PCDH9: variants seen among roughly 807,000 people sequenced by gnomAD.
PCDH9 encodes protocadherin-9.
In PCDH9, 24 loss-of-function variants were observed where a neutral mutation model predicts 70.6. The observed-to-expected ratio is 0.34, with a 90% CI of 0.25 to 0.48. PCDH9 has a LOEUF of 0.48. Ranked by LOEUF, PCDH9 falls within the 20% of genes least tolerant of loss-of-function variation. The pLI, the probability that PCDH9 is intolerant of heterozygous loss-of-function variation, is 0.99. For missense variants in PCDH9, 1,281 were observed against 1,503.6 expected (o/e 0.85, Z 2.45); for synonymous variants, 562 against 558.5 (o/e 1.01, Z -0.09).
intron 3 of PCDH9, among the ~76,000 whole-genome samples, chr13:66,889,867 T>C (rs76021093): frequency 0.025 from 3,816 of 152,130 alleles, 139 homozygotes; most frequent in African/African-American, 0.085. Flanking sequence ...GGCGAAAAAA[T>C]AGGACAATTC....
intron 2 of PCDH9, chr13:67,214,614 AT>A (rs1430765717): frequency 1.3e-5 from 2 of 152,096 alleles, no homozygotes; most frequent in Non-Finnish European, 2.9e-5. Flanking sequence ...AGACGAAGCA[AT>A]TATACAAATG....
At chr13:66,998,477 G>A (rs1439209269) in intron 2 of PCDH9, among the ~76,000 whole-genome samples, 1 of 152,176 alleles carries the variant, frequency 6.6e-6, no homozygotes, top group Non-Finnish European at 1.5e-5. Context: ...ACCTGAGTGT[G>A]TGTGTGTCTG....
At chr13:66,872,047 A>T (rs909043143) in intron 3 of PCDH9, among the ~76,000 whole-genome samples, 5 of 152,126 alleles carry the variant, frequency 3.3e-5, no homozygotes, top group African/African-American at 1.2e-4. Flanking sequence ...GTCTACTACT[A>T]GACTTTGAAC....
chr13:67,190,141 G>T (rs898599174), intron 2 of PCDH9, among the ~76,000 whole-genome samples: 2 of 151,894 alleles, frequency 1.3e-5, no homozygotes, highest in African/African-American at 4.8e-5. Flanking sequence ...CTTAGAAATT[G>T]TACTCTAAAT....
chr13:67,209,168 A>G (rs925619485), intron 2 of PCDH9: 1 of 152,130 alleles, frequency 6.6e-6, no homozygotes, highest in Non-Finnish European at 1.5e-5. Flanking sequence ...CAACTAAGCC[A>G]TTACACAGAA....
At chr13:66,563,098 CAG>C (rs1360825156) in intron 4 of PCDH9, among the ~76,000 whole-genome samples, 1 of 152,088 alleles carries the variant, frequency 6.6e-6, no homozygotes, top group Non-Finnish European at 1.5e-5. Flanking sequence ...CCTGAGGAAT[CAG>C]AGATTGCCAT....
intron 2 of PCDH9, among the ~76,000 whole-genome samples, chr13:66,968,395 T>C (rs1407753464): frequency 6.6e-6 from 1 of 152,014 alleles, no homozygotes; most frequent in Non-Finnish European, 1.5e-5. Flanking sequence ...TTCCATTAGC[T>C]TTTCTTGGCA....
intron 3 of PCDH9, among the ~76,000 whole-genome samples, chr13:66,713,811 G>C (rs2078832291): frequency 6.6e-6 from 1 of 151,640 alleles, no homozygotes; most frequent in Non-Finnish European, 1.5e-5. Context: ...AGACAATGAA[G>C]ATAAACATCT....
intron 2 of PCDH9, among the ~76,000 whole-genome samples, chr13:67,195,830 G>A (rs1306267258): frequency 6.6e-6 from 1 of 152,060 alleles, no homozygotes; most frequent in Non-Finnish European, 1.5e-5. Context: ...ATGTATATGG[G>A]AACAGATATT....
intron 4 of PCDH9, among the ~76,000 whole-genome samples, chr13:66,576,146 G>T (rs1048173525): frequency 2.0e-5 from 3 of 150,642 alleles, no homozygotes; most frequent in Non-Finnish European, 4.4e-5. Context: ...TCAACATGAG[G>T]TTAGAAGCTA....
chr13:66,618,429 A>G (rs916928879), intron 4 of PCDH9, among the ~76,000 whole-genome samples: 2 of 152,180 alleles, frequency 1.3e-5, no homozygotes, highest in Non-Finnish European at 2.9e-5. Context: ...AGTTTAGACA[A>G]ATTACTATGG....
chr13:66,396,200 T>A (rs1320438918), intron 4 of PCDH9, among the ~76,000 whole-genome samples: 1 of 152,180 alleles, frequency 6.6e-6, no homozygotes, highest in Admixed American at 6.5e-5. Context: ...CCAGTGCTTC[T>A]TGCCTCTCAA....
chr13:66,439,479 G>A (rs1231144776), intron 4 of PCDH9, among the ~76,000 whole-genome samples: 3 of 152,050 alleles, frequency 2.0e-5, no homozygotes, highest in Non-Finnish European at 4.4e-5. Flanking sequence ...CAAGATGATG[G>A]ATATGTTAAT....
intron 3 of PCDH9, among the ~76,000 whole-genome samples, chr13:66,682,489 T>C (rs1389549721): frequency 6.6e-6 from 1 of 152,116 alleles, no homozygotes; most frequent in Non-Finnish European, 1.5e-5. Flanking sequence ...CTGCTGTTCA[T>C]TGCAGAATTT....
intron 4 of PCDH9, among the ~76,000 whole-genome samples, chr13:66,508,956 AGACT>A (rs1959326522): frequency 1.3e-5 from 2 of 152,244 alleles, no homozygotes; most frequent in South Asian, 2.1e-4. Flanking sequence ...GATGTTGTGA[AGACT>A]GACTAACATA....
chr13:67,092,514 A>T lies in PCDH9; in HGVS notation c.3036+132891T>A, dbSNP rs555819249. On this transcript the variant is annotated intron_variant, in intron 2 of 4. Coordinates refer to ENST00000377865, the MANE Select transcript of PCDH9 (RefSeq NM_203487.3). ...AAAAACCTAAGAGAGCAAAGCAAAAATCTCATTTTCAAGGGCCCATTGAGA... is the reference window on the plus strand; with the variant it reads ...AAAAACCTAAGAGAGCAAAGCAAAATTCTCATTTTCAAGGGCCCATTGAGA... Among the ~76,000 whole-genome samples, 1,068 of 152,198 alleles carry T rather than the reference A, an allele frequency of 7.0e-3. 3 individuals carry two copies. Among genetic ancestry groups the T allele is most frequent in the Middle Eastern group, 0.02 (6 of 294 alleles).
chr13:67,011,544 C>T (rs1226353774), intron 2 of PCDH9, among the ~76,000 whole-genome samples: 1 of 151,742 alleles, frequency 6.6e-6, no homozygotes, highest in Non-Finnish European at 1.5e-5. Flanking sequence ...AATGAAATAT[C>T]TTCTGTACAG....
chr13:66,694,412 C>T (rs1346794365), intron 3 of PCDH9, among the ~76,000 whole-genome samples: 1 of 152,120 alleles, frequency 6.6e-6, no homozygotes, highest in African/African-American at 2.4e-5. Context: ...GCATTTACTC[C>T]TCAAGAGAGT....
chr13:66,472,186 T>C (rs1175663504), intron 4 of PCDH9, among the ~76,000 whole-genome samples: 1 of 132,238 alleles, frequency 7.6e-6, no homozygotes, highest in Non-Finnish European at 1.6e-5. Context: ...CACTCCAGCC[T>C]GGGTGACAGA....
Sources: gnomAD v4.1 joint callset for allele counts (sites outside exome capture counted in the v4.1 genomes callset) on GRCh38, gnomAD v4.1.1 for gene constraint, MANE v1.5 for transcripts, NCBI Gene and HGNC (gene_info 2026-07-23, HGNC 2026-07-21) for gene names.